GYS2: variants seen among roughly 807,000 people sequenced by gnomAD.
GYS2 encodes glycogen [starch] synthase, liver.
GYS2 carries 80 observed loss-of-function variants against 85.6 expected under a neutral mutation model. The observed-to-expected ratio is 0.93, with a 90% CI of 0.78 to 1.13. The LOEUF (loss-of-function observed/expected upper bound fraction) is 1.13. Ranked by LOEUF, GYS2 falls within the 50% of genes most tolerant of loss-of-function variation. GYS2 has a pLI of 0.00. For missense variants in GYS2, 881 were observed against 854.9 expected (o/e 1.03, Z -0.38); for synonymous variants, 328 against 300.7 (o/e 1.09, Z -0.94).
chr12:21,566,155 G>A (rs187137859), intron 5 of GYS2, among the ~76,000 whole-genome samples: 165 of 152,094 alleles, frequency 1.1e-3, no homozygotes, highest in Non-Finnish European at 1.4e-3. Flanking sequence ...ATAAATATAA[G>A]CTTTTGCCAA....
At position 21,558,502 on chromosome 12, in the gene GYS2, G is replaced by A. The variant is rs7977957; in HGVS notation, c.1309-189C>T. Among the ~76,000 whole-genome samples, 113,350 of 152,068 alleles carry A rather than the reference G, an allele frequency of 0.75. 42,867 individuals carry two copies. The highest frequency in any genetic ancestry group is 0.81 in the Non-Finnish European group (55,185 of 67,992). On this transcript the variant is annotated intron_variant, in intron 10 of 15. Coordinates refer to ENST00000261195, the MANE Select transcript of GYS2 (RefSeq NM_021957.4). The stretch of plus-strand genomic sequence containing the variant: ...ATGGGTTGAAGAATCTCCTTTGCAT[G>A]CTATGAATACATGAAGCTTTTGTTT...
chr12:21,595,284 T>C (rs547405564), intron 1 of GYS2, among the ~76,000 whole-genome samples: 14 of 152,178 alleles, frequency 9.2e-5, no homozygotes, highest in African/African-American at 2.9e-4. Flanking sequence ...CCACAGACCC[T>C]CTGAAGGAAG....
At chr12:21,551,084 T>C (rs1944104829) in intron 11 of GYS2, among the ~76,000 whole-genome samples, 1 of 151,664 alleles carries the variant, frequency 6.6e-6, no homozygotes, top group Non-Finnish European at 1.5e-5. Flanking sequence ...TACGTATACA[T>C]GTGCCATGCT....
chr12:21,584,576 C>A (rs964472852), intron 1 of GYS2, among the ~76,000 whole-genome samples: 1 of 152,194 alleles, frequency 6.6e-6, no homozygotes, highest in African/African-American at 2.4e-5. Flanking sequence ...CAAAGCTGAC[C>A]TGGCCACAGC....
chr12:21,580,190 A>G lies in GYS2; in HGVS notation c.303+152T>C, dbSNP rs1944493053. On this transcript the variant is annotated intron_variant, in intron 2 of 15. Transcript: ENST00000261195. ...GTTTTCACAAGGTGTCTCAAATTCAATCCATTTAAAAGCAAGTTCATCATC... is the reference window on the plus strand; with the variant it reads ...GTTTTCACAAGGTGTCTCAAATTCAGTCCATTTAAAAGCAAGTTCATCATC... 3 of 751,366 alleles carry G rather than the reference A, an allele frequency of 4.0e-6. No homozygotes were observed. The Admixed American group carries it at 5.9e-5, about 15-fold the overall frequency. The allele number at this position is 751,366 out of a possible 1,614,324, so 46.5% of individuals were successfully genotyped here.
At position 21,574,245 on chromosome 12, in the gene GYS2, C is replaced by T. The variant is rs16924038; in HGVS notation, c.577G>A (p.Ala193Thr). The T allele has an allele frequency of 7.6e-4, 1,219 of 1,613,666 alleles. 15 individuals carry two copies. The African/African-American group carries it at 0.015, about 20-fold the overall frequency. The change falls in exon 4 of 16, where the codon GCC becomes ACC. Residue 193 changes from alanine to threonine, a missense_variant. Coordinates refer to ENST00000261195, the MANE Select transcript of GYS2 (RefSeq NM_021957.4). ...QAGIGLILSRARKLPIATIFT... is the reference protein window; with the variant it reads ...QAGIGLILSRTRKLPIATIFT... ...ATTGTGGCAATAGGAAGTTTCCTGGCTCGAGAAAGGATCAGTCCAATTCCA... is the reference window on the plus strand; with the variant it reads ...ATTGTGGCAATAGGAAGTTTCCTGGTTCGAGAAAGGATCAGTCCAATTCCA...
At chr12:21,595,175 CA>C (rs1944681516) in intron 1 of GYS2, among the ~76,000 whole-genome samples, 1 of 152,146 alleles carries the variant, frequency 6.6e-6, no homozygotes, top group Non-Finnish European at 1.5e-5. Flanking sequence ...GCCTAGATTG[CA>C]GCTCCAACTC....
intron 1 of GYS2, among the ~76,000 whole-genome samples, chr12:21,592,840 T>A (rs959108333): frequency 2.6e-5 from 4 of 152,046 alleles, no homozygotes; most frequent in Non-Finnish European, 2.9e-5. Flanking sequence ...ATTTATCTCA[T>A]CAGCACATGA....
At chr12:21,532,982 A>G (rs569443046), downstream of GYS2, 1 of 152,186 alleles carries the variant, frequency 6.6e-6, no homozygotes, top group South Asian at 2.1e-4. Flanking sequence ...TATGGTGTCT[A>G]TATTCTGTTT....
At chr12:21,600,941 C>T (rs1433267455) in intron 1 of GYS2, among the ~76,000 whole-genome samples, 3 of 152,210 alleles carry the variant, frequency 2.0e-5, no homozygotes, top group Admixed American at 6.5e-5. Context: ...TCCAGCAATA[C>T]GTTGGCTTAG....
At chr12:21,537,649 T>A (rs115365919) in intron 15 of GYS2, among the ~76,000 whole-genome samples, 1,692 of 152,302 alleles carry the variant, frequency 0.011, 26 homozygotes, top group African/African-American at 0.037. Context: ...TGGATGTGGA[T>A]AGCCTGGAAA....
chr12:21,595,956 T>C (rs965329769), intron 1 of GYS2, among the ~76,000 whole-genome samples: 7 of 152,194 alleles, frequency 4.6e-5, no homozygotes, highest in Non-Finnish European at 7.4e-5. Flanking sequence ...TTAACAGTTA[T>C]ATACAGAACA....
At chr12:21,580,585 G>T in intron 1 of GYS2, 62 bp from the exon 2 acceptor site, 1 of 1,193,858 alleles carries the variant, frequency 8.4e-7, no homozygotes, top group Non-Finnish European at 1.2e-6. Context: ...AAGTAATAAG[G>T]GATGGAAATG....
chr12:21,545,548 G>T (rs983028419), intron 12 of GYS2, among the ~76,000 whole-genome samples: 1 of 152,196 alleles, frequency 6.6e-6, no homozygotes, highest in African/African-American at 2.4e-5. Flanking sequence ...CTTTGCATTG[G>T]CATGTATTTA....
intron 11 of GYS2, among the ~76,000 whole-genome samples, chr12:21,557,721 A>G (rs193294802): frequency 0.011 from 1,641 of 152,220 alleles, 28 homozygotes; most frequent in African/African-American, 0.035. Context: ...TACATGGTGA[A>G]ACCCCGTCTC....
chr12:21,553,079 C>G (rs1042637490), intron 11 of GYS2, among the ~76,000 whole-genome samples: 3 of 152,118 alleles, frequency 2.0e-5, no homozygotes, highest in Non-Finnish European at 2.9e-5. Context: ...AGATGGGGTC[C>G]CACTCTGTCG....
At chr12:21,561,071 A>C (rs1363050308) in intron 7 of GYS2, among the ~76,000 whole-genome samples, 1 of 152,200 alleles carries the variant, frequency 6.6e-6, no homozygotes, top group East Asian at 1.9e-4. Flanking sequence ...GCAAAGAAAC[A>C]AGCACATGAC....
chr12:21,587,146 A>C lies in GYS2; in HGVS notation c.122-6623T>G, dbSNP rs539491961. On this transcript the variant is annotated intron_variant, in intron 1 of 15. Coordinates refer to ENST00000261195, the MANE Select transcript of GYS2 (RefSeq NM_021957.4). ...TGGGAGCTAAACGATGAGTAAGCAT[A>C]GACATATAGAATGAAATAATAGACA... Among the ~76,000 whole-genome samples, 105 of 152,342 alleles carry C rather than the reference A, an allele frequency of 6.9e-4. 1 individual carries two copies. Among genetic ancestry groups the C allele is most frequent in the African/African-American group, 2.5e-3 (103 of 41,578 alleles).
intron 2 of GYS2, 117 bp from the exon 3 acceptor site, chr12:21,576,174 A>T (rs1944444986): frequency 7.4e-6 from 6 of 810,786 alleles, no homozygotes; most frequent in Non-Finnish European, 1.3e-5. Context: ...TAAACAAGCT[A>T]CTTAGAAAAG....
Sources: allele counts gnomAD v4.1 joint callset (sites outside exome capture counted in the v4.1 genomes callset), GRCh38; gene constraint gnomAD v4.1.1; transcripts MANE v1.5; gene names NCBI Gene and HGNC (gene_info 2026-07-23, HGNC 2026-07-21).